Variants in LHFPL3 observed in about 807,000 individuals in gnomAD.
The protein encoded by LHFPL3 is LHFPL tetraspan subfamily member 3.
LHFPL3 carries 5 observed loss-of-function variants against 19.3 expected under a neutral mutation model. That is an observed-to-expected ratio of 0.26 (90% CI 0.14 to 0.54). LHFPL3 has a LOEUF of 0.54. Ranked by LOEUF, LHFPL3 falls within the 20% of genes least tolerant of loss-of-function variation. LHFPL3 has a pLI of 0.94. For synonymous variants in LHFPL3, 133 were observed against 126.2 expected (o/e 1.05, Z -0.36); for missense variants, 249 against 307.4 (o/e 0.81, Z 1.42).
intron 2 of LHFPL3, among the ~76,000 whole-genome samples, chr7:104,829,765 A>C (rs1584560973): frequency 6.6e-6 from 1 of 151,930 alleles, no homozygotes; most frequent in South Asian, 2.1e-4. Flanking sequence ...AGTCTTTGCT[A>C]TTGTGAATAG....
At chr7:104,702,756 A>T (rs1793126922) in intron 1 of LHFPL3, among the ~76,000 whole-genome samples, 1 of 152,232 alleles carries the variant, frequency 6.6e-6, no homozygotes, top group Admixed American at 6.5e-5. Flanking sequence ...CTTTCTACTC[A>T]TATCACATCT....
intron 1 of LHFPL3, among the ~76,000 whole-genome samples, chr7:104,674,140 T>C: frequency 6.6e-6 from 1 of 151,584 alleles, no homozygotes; most frequent in East Asian, 1.9e-4. Context: ...TCAGAATACA[T>C]GTTCTTCATA....
In LHFPL3 at chr7:104,562,520, G is replaced by A. The variant is rs1301694942; in HGVS notation, c.446-174155G>A. On this transcript the variant is annotated intron_variant, in intron 1 of 2. Coordinates refer to ENST00000424859, the MANE Select transcript of LHFPL3 (RefSeq NM_199000.3). ...TTCTTCACGTAGTTCTGGAGCCTTG[G>A]TTTTCAGCTCCATCAGCTCCTTTAA... Among the ~76,000 whole-genome samples the A allele has an allele frequency of 1.4e-4, 21 of 152,208 alleles. 1 individual carries two copies. Among genetic ancestry groups the A allele is most frequent in the Middle Eastern group, 6.8e-3 (2 of 294 alleles).
chr7:104,639,366 A>T (rs1169959990), intron 1 of LHFPL3, among the ~76,000 whole-genome samples: 1 of 152,114 alleles, frequency 6.6e-6, no homozygotes, highest in African/African-American at 2.4e-5. Context: ...GTGTGCCTAG[A>T]AGTGTTCACA....
In LHFPL3 at chr7:104,680,392, C is replaced by T. The variant is rs116616312; in HGVS notation, c.446-56283C>T. 9.8e-4 allele frequency among the ~76,000 whole-genome samples: 150 copies of T among 152,302 alleles called. 1 individual carries two copies. Among genetic ancestry groups the T allele is most frequent in the African/African-American group, 3.3e-3 (139 of 41,568 alleles). Reference sequence around the variant, plus strand: ...CCCTGTAACGGGCTTTGTCAGCCCTCTAGGCTGCAGGAAAAGTGCCAGCAC... The same window carrying T: ...CCCTGTAACGGGCTTTGTCAGCCCTTTAGGCTGCAGGAAAAGTGCCAGCAC... On this transcript the variant is annotated intron_variant, in intron 1 of 2. Coordinates refer to ENST00000424859, the MANE Select transcript of LHFPL3 (RefSeq NM_199000.3).
At chr7:104,648,402 C>T (rs2115926417) in intron 1 of LHFPL3, among the ~76,000 whole-genome samples, 1 of 152,248 alleles carries the variant, frequency 6.6e-6, no homozygotes, top group East Asian at 1.9e-4. Flanking sequence ...TATTTTATTC[C>T]TCCAGACCCC....
chr7:104,511,965 G>A (rs1245750932), intron 1 of LHFPL3, among the ~76,000 whole-genome samples: 1 of 29,066 alleles, frequency 3.4e-5, no homozygotes, highest in Non-Finnish European at 7.1e-5. Flanking sequence ...TTTTTTTTTT[G>A]GAGGAGGGGA....
At chr7:104,622,528 A>C (rs117265560) in intron 1 of LHFPL3, among the ~76,000 whole-genome samples, 1 of 152,208 alleles carries the variant, frequency 6.6e-6, no homozygotes, top group Non-Finnish European at 1.5e-5. Context: ...TTGTACAATC[A>C]CCACTACAAT....
intron 1 of LHFPL3, among the ~76,000 whole-genome samples, chr7:104,532,598 TG>T (rs1272789060): frequency 1.3e-4 from 20 of 152,162 alleles, no homozygotes; most frequent in Middle Eastern, 3.2e-3. Context: ...TCTCTCTCCA[TG>T]TTTTCCTCAC....
Position 104,607,204 on chromosome 7 carries a change from T to C in LHFPL3, c.446-129471T>C, listed in dbSNP as rs78784366. 1.3e-3 allele frequency among the ~76,000 whole-genome samples: 196 copies of C among 152,338 alleles called. 3 individuals carry two copies. The East Asian group carries it at 0.029, about 22-fold the overall frequency. ...TCATCCTTGCTTTGAGGTTAAATTA[T>C]AAACTAAATTCCTCCCAAAATTAGC... On this transcript the variant is annotated intron_variant, in intron 1 of 2. Transcript: ENST00000424859.
intron 1 of LHFPL3, among the ~76,000 whole-genome samples, chr7:104,415,047 A>T (rs1791595455): frequency 6.6e-6 from 1 of 152,244 alleles, no homozygotes; most frequent in East Asian, 1.9e-4. Flanking sequence ...GCTGAAAAAC[A>T]AGGACAATAG....
chr7:104,643,054 T>G (rs1791865936), intron 1 of LHFPL3, among the ~76,000 whole-genome samples: 1 of 152,218 alleles, frequency 6.6e-6, no homozygotes. Flanking sequence ...TTTTCTATAT[T>G]TTTCAAATAG....
intron 1 of LHFPL3, among the ~76,000 whole-genome samples, chr7:104,505,884 T>C (rs1793688797): frequency 6.6e-6 from 1 of 152,136 alleles, no homozygotes; most frequent in Non-Finnish European, 1.5e-5. Context: ...TCAGAAGTTA[T>C]ACATAGAAAG....
chr7:104,713,703 C>T (rs190677588), intron 1 of LHFPL3, among the ~76,000 whole-genome samples: 1 of 152,298 alleles, frequency 6.6e-6, no homozygotes, highest in East Asian at 1.9e-4. Flanking sequence ...TGAGCAGCAT[C>T]CCAGAATTTA....
intron 1 of LHFPL3, among the ~76,000 whole-genome samples, chr7:104,452,760 A>G (rs890889326): frequency 6.6e-6 from 1 of 152,236 alleles, no homozygotes; most frequent in Non-Finnish European, 1.5e-5. Flanking sequence ...CTAGGAATGT[A>G]TCCTAAGGAA....
chr7:104,425,917 T>C (rs1791835254), intron 1 of LHFPL3, among the ~76,000 whole-genome samples: 1 of 152,236 alleles, frequency 6.6e-6, no homozygotes, highest in Non-Finnish European at 1.5e-5. Context: ...CTCCCCTATA[T>C]TGAGCTAGTA....
At chr7:104,633,280 C>A (rs947320859) in intron 1 of LHFPL3, among the ~76,000 whole-genome samples, 21 of 152,172 alleles carry the variant, frequency 1.4e-4, no homozygotes, top group Non-Finnish European at 2.6e-4. Flanking sequence ...ATTTGTCTTC[C>A]ATTCTGAGTT....
At chr7:104,473,447 C>G (rs1171056847) in intron 1 of LHFPL3, among the ~76,000 whole-genome samples, 3 of 152,156 alleles carry the variant, frequency 2.0e-5, no homozygotes, top group African/African-American at 4.8e-5. Context: ...TTTAATTATG[C>G]CTTATTATTA....
intron 2 of LHFPL3, among the ~76,000 whole-genome samples, chr7:104,747,608 A>C (rs989602244): frequency 6.6e-6 from 1 of 152,224 alleles, no homozygotes; most frequent in African/African-American, 2.4e-5. Context: ...TTTTATTATT[A>C]TAGAAGTTAA....
Sources: allele counts gnomAD v4.1 joint callset (sites outside exome capture counted in the v4.1 genomes callset), GRCh38; gene constraint gnomAD v4.1.1; transcripts MANE v1.5; gene names NCBI Gene and HGNC (gene_info 2026-07-23, HGNC 2026-07-21).